JPH3: variants seen among roughly 807,000 people sequenced by gnomAD.
JPH3 encodes junctophilin 3.
A neutral mutation model predicts 59.6 loss-of-function variants in JPH3; 11 were observed. That is an observed-to-expected ratio of 0.18 (90% CI 0.12 to 0.31). The LOEUF (loss-of-function observed/expected upper bound fraction) is 0.31. JPH3 is among the 10% of genes least tolerant of loss of function. The pLI, the probability that JPH3 is intolerant of heterozygous loss-of-function variation, is 1.00. For missense variants in JPH3, 1,202 were observed against 1,105.7 expected, an observed-to-expected ratio of 1.09 and a Z score of -1.24; for synonymous variants, 673 against 483.6, an observed-to-expected ratio of 1.39 and a Z score of -5.14.
intron 2 of JPH3, among the ~76,000 whole-genome samples, chr16:87,660,608 C>G (rs898614653): frequency 2.6e-5 from 4 of 152,322 alleles, no homozygotes; most frequent in African/African-American, 9.6e-5. Context: ...CTCCCAGTCT[C>G]CCCGTTTTGT....
In JPH3 at chr16:87,696,567, C is replaced by T. The variant is rs373983180; in HGVS notation, c.2167-13C>T. The T allele has an allele frequency of 8.9e-5, 143 of 1,611,362 alleles. No homozygotes were observed. The African/African-American group carries it at 9.3e-4, about 11-fold the overall frequency. On this transcript the variant is annotated splice_polypyrimidine_tract_variant and intron_variant, in intron 4 of 4. Coordinates refer to ENST00000284262, the MANE Select transcript of JPH3 (RefSeq NM_020655.4). Reference sequence around the variant, plus strand: ...GCAGCTGTCGCTCACCTCTTCCCCTCGCTCTCTTCCAGGGCTCAGCGCCTA... The same window carrying T: ...GCAGCTGTCGCTCACCTCTTCCCCTTGCTCTCTTCCAGGGCTCAGCGCCTA...
chr16:87,685,952 G>C (rs956251151), intron 3 of JPH3, among the ~76,000 whole-genome samples: 1 of 152,172 alleles, frequency 6.6e-6, no homozygotes, highest in East Asian at 1.9e-4. Context: ...TTTGAGACAA[G>C]ATCAGCCTGG....
At chr16:87,656,207 T>A (rs528857759) in intron 2 of JPH3, among the ~76,000 whole-genome samples, 1 of 152,366 alleles carries the variant, frequency 6.6e-6, no homozygotes, top group African/African-American at 2.4e-5. Flanking sequence ...GTGACACCTA[T>A]TTTACAGCCC....
chr16:87,659,214 A>G (rs1030746025), intron 2 of JPH3, among the ~76,000 whole-genome samples: 2 of 151,904 alleles, frequency 1.3e-5, no homozygotes, highest in African/African-American at 4.8e-5. Context: ...TCTCTACTGA[A>G]AATACAAAAA....
chr16:87,651,906 C>T (rs1023418740), intron 2 of JPH3, among the ~76,000 whole-genome samples: 8 of 152,190 alleles, frequency 5.3e-5, no homozygotes, highest in Non-Finnish European at 8.8e-5. Flanking sequence ...TATCAAATAG[C>T]ATCACATGCT....
rs2032069654 is a variant in JPH3 at position 87,644,478 on chromosome 16, C to T, written c.603C>T (p.His201=). The T allele has an allele frequency of 2.5e-6, 4 of 1,612,868 alleles. No individual in the cohort carries two copies. In the East Asian group the frequency reaches 6.7e-5, roughly 27 times the overall value. The change falls in exon 2 of 5, where the codon CAC becomes CAT. Residue 201 remains histidine, a synonymous_variant. Coordinates refer to ENST00000284262, the MANE Select transcript of JPH3 (RefSeq NM_020655.4). ...VSRGGFVLVA[H]SDSEILKSKK... The stretch of plus-strand genomic sequence containing the variant: ...GCGGGGGCTTCGTGCTCGTGGCCCA[C>T]AGTGACTCCGAGATCCTCAAGAGCA...
intron 1 of JPH3, among the ~76,000 whole-genome samples, chr16:87,642,971 G>C (rs1354620057): frequency 3.9e-5 from 6 of 152,172 alleles, no homozygotes; most frequent in Admixed American, 1.3e-4. Context: ...CACGGTGTTA[G>C]GTAGCTGTCA....
intron 2 of JPH3, among the ~76,000 whole-genome samples, chr16:87,678,174 A>C (rs1371664960): frequency 6.6e-6 from 1 of 152,152 alleles, no homozygotes; most frequent in Admixed American, 6.5e-5. Context: ...CCAGGAGTTC[A>C]AGACTGTGGT....
intron 2 of JPH3, among the ~76,000 whole-genome samples, chr16:87,664,581 C>T (rs189412550): frequency 7.8e-4 from 119 of 152,220 alleles, no homozygotes; most frequent in South Asian, 2.7e-3. Context: ...GCCGAGATCG[C>T]GCCATTGCAC....
chr16:87,677,209 CACACACACACACACACAAAA>C (rs2033168284), intron 2 of JPH3, among the ~76,000 whole-genome samples: 2 of 123,410 alleles, frequency 1.6e-5, no homozygotes, highest in South Asian at 5.8e-4. Context: ...CACACACACA[CACACACACACACACACAAAA>C]AAAAAAATTA....
Position 87,691,677 on chromosome 16 carries a change from C to G in JPH3, c.2166+1151C>G, listed in dbSNP as rs1399703103. Among the ~76,000 whole-genome samples, 3 of 152,180 alleles carry G rather than the reference C, an allele frequency of 2.0e-5. No homozygotes were observed. The East Asian group carries it at 5.8e-4, about 29-fold the overall frequency. On this transcript the variant is annotated intron_variant, in intron 4 of 4. Coordinates refer to ENST00000284262, the MANE Select transcript of JPH3 (RefSeq NM_020655.4). The stretch of plus-strand genomic sequence containing the variant: ...TCCTGCCGGGCGGCAATGCCTGTTT[C>G]TGCCTCTCCTTGGAACCACTGCGGA...
rs551353870 is a variant in JPH3, at chr16:87,612,943, A to G, written c.382+9415A>G. On this transcript the variant is annotated intron_variant, in intron 1 of 4. Transcript: ENST00000284262. Reference sequence around the variant, plus strand: ...CTGGAGGCTGAGGCAGGAGAATGGCATGAACCTGGGAGGCGGAGCTTGCAG... The same window carrying G: ...CTGGAGGCTGAGGCAGGAGAATGGCGTGAACCTGGGAGGCGGAGCTTGCAG... 2.7e-4 allele frequency among the ~76,000 whole-genome samples: 41 copies of G among 151,340 alleles called. No individual in the cohort carries two copies. In the South Asian group the frequency reaches 8.7e-3, roughly 32 times the overall value.
intron 2 of JPH3, among the ~76,000 whole-genome samples, chr16:87,645,506 C>T (rs919932096): frequency 1.3e-5 from 2 of 152,160 alleles, no homozygotes; most frequent in Non-Finnish European, 2.9e-5. Flanking sequence ...TCTTCCGGGA[C>T]CCTGGGAGAT....
At chr16:87,635,482 C>A (rs948992053) in intron 1 of JPH3, among the ~76,000 whole-genome samples, 1 of 152,146 alleles carries the variant, frequency 6.6e-6, no homozygotes, top group Non-Finnish European at 1.5e-5. Context: ...CTGTGCTGGC[C>A]CAGGGCTCTG....
At chr16:87,668,403 C>G (rs1311114501) in intron 2 of JPH3, among the ~76,000 whole-genome samples, 1 of 152,192 alleles carries the variant, frequency 6.6e-6, no homozygotes, top group Non-Finnish European at 1.5e-5. Flanking sequence ...AGATCCTGTT[C>G]AAATCCTGGC....
At chr16:87,693,347 G>T (rs1460416968) in intron 4 of JPH3, among the ~76,000 whole-genome samples, 10 of 152,234 alleles carry the variant, frequency 6.6e-5, no homozygotes, top group Non-Finnish European at 1.0e-4. Flanking sequence ...GCTGACTGGG[G>T]TTCAGCTTAT....
chr16:87,665,726 C>T lies in JPH3; in HGVS notation c.1161-18416C>T, dbSNP rs528503357. Among the ~76,000 whole-genome samples the T allele has an allele frequency of 3.3e-5, 5 of 152,372 alleles. No individual in the cohort carries two copies. The South Asian group carries it at 1.0e-3, about 32-fold the overall frequency. ...CATGGTCTAGAACTGCCCCCTCTTCCTCCCGGCTGCCCCGAGTCTGGCTTC... is the reference window on the plus strand; with the variant it reads ...CATGGTCTAGAACTGCCCCCTCTTCTTCCCGGCTGCCCCGAGTCTGGCTTC... On this transcript the variant is annotated intron_variant, in intron 2 of 4. Coordinates refer to ENST00000284262, the MANE Select transcript of JPH3 (RefSeq NM_020655.4).
At chr16:87,660,526 A>C (rs1008536012) in intron 2 of JPH3, among the ~76,000 whole-genome samples, 1 of 152,092 alleles carries the variant, frequency 6.6e-6, no homozygotes, top group Non-Finnish European at 1.5e-5. Context: ...GCCACTGCTC[A>C]TGCTTCTGTC....
chr16:87,635,191 G>A (rs1257228081), intron 1 of JPH3, among the ~76,000 whole-genome samples: 3 of 152,156 alleles, frequency 2.0e-5, no homozygotes, highest in South Asian at 2.1e-4. Flanking sequence ...CCAGCAAAGC[G>A]TTCACCTTGC....
Sources: allele counts gnomAD v4.1 joint callset (sites outside exome capture counted in the v4.1 genomes callset), GRCh38; gene constraint gnomAD v4.1.1; transcripts MANE v1.5; gene names NCBI Gene and HGNC (gene_info 2026-07-23, HGNC 2026-07-21).